Variants in CCL23 observed in about 807,000 individuals in gnomAD.
CCL23 encodes the protein C-C motif chemokine 23.
A neutral mutation model predicts 11.8 loss-of-function variants in CCL23; 10 were observed. The observed-to-expected ratio is 0.84, with a 90% CI of 0.52 to 1.43. The LOEUF (loss-of-function observed/expected upper bound fraction) is 1.43. Among genes scored for constraint, CCL23 ranks in the 40% most tolerant of loss-of-function variants. CCL23 has a pLI of 0.00. For missense variants in CCL23, 181 were observed against 170.9 expected, an observed-to-expected ratio of 1.06 and a Z score of -0.33; for synonymous variants, 60 against 61.0, an observed-to-expected ratio of 0.98 and a Z score of 0.07.
intron 3 of CCL23, 143 bp downstream of exon 3, chr17:36,013,601 G>A: frequency 1.3e-6 from 1 of 753,706 alleles, no homozygotes; most frequent in East Asian, 2.6e-5. Flanking sequence ...ATGCCCTGCA[G>A]GATCTTCCTA....
chr17:36,017,691 G>A, intron 1 of CCL23, 131 bp downstream of exon 1: 2 of 822,204 alleles, frequency 2.4e-6, no homozygotes, highest in Admixed American at 4.4e-5. Context: ...TCTATACTCT[G>A]GTGCTGCTTT....
At chr17:36,014,038 GC>G in intron 2 of CCL23, 129 bp from the exon 3 acceptor site, 1 of 929,924 alleles carries the variant, frequency 1.1e-6, no homozygotes, top group Non-Finnish European at 1.6e-6. Flanking sequence ...CTCAGGGTGG[GC>G]CAGAGCAGGA....
intron 1 of CCL23, among the ~76,000 whole-genome samples, chr17:36,015,631 T>G (rs921109476): frequency 1.3e-5 from 2 of 152,238 alleles, no homozygotes; most frequent in African/African-American, 4.8e-5. Context: ...TGGAGCTGCC[T>G]TATGCTTGTT....
Position 36,013,323 on chromosome 17 carries a change from G to A in CCL23, c.303-15C>T. On this transcript the variant is annotated splice_polypyrimidine_tract_variant and intron_variant, in intron 3 of 3. Coordinates refer to ENST00000615050, the MANE Select transcript of CCL23 (RefSeq NM_005064.6). ...TGGTGAGGAAGCTAGGGAACAAGGG[G>A]GAGAAAAGTTACAAACTGAGGTGTG... The A allele has an allele frequency of 1.3e-6, 2 of 1,564,866 alleles. No individual in the cohort carries two copies. The highest frequency in any genetic ancestry group is 8.8e-7 in the Non-Finnish European group (1 of 1,136,544).
chr17:36,013,819 G>A lies in CCL23; in HGVS notation c.227C>T (p.Thr76Ile). Residue 76 changes from threonine to isoleucine, a missense_variant, in exon 3 of 4, where the codon ACC becomes ATC. Coordinates refer to ENST00000615050, the MANE Select transcript of CCL23 (RefSeq NM_005064.6). ...ATSADCCISY[T>I]PRSIPCSLLE... ...GAGTGAACACGGGATGCTTCGTGGG[G>A]TGTAGGAGATGCAGCAGTCAGCACT... 6.2e-7 allele frequency: 1 copy of A among 1,614,182 alleles called. No individual in the cohort carries two copies. The highest frequency in any genetic ancestry group is 2.2e-5 in the East Asian group (1 of 44,886).
In CCL23 at chr17:36,013,311, AG is replaced by A; in HGVS notation, c.303-4del. On this transcript the variant is annotated splice_polypyrimidine_tract_variant and splice_region_variant and intron_variant, in intron 3 of 3. Coordinates refer to ENST00000615050, the MANE Select transcript of CCL23 (RefSeq NM_005064.6). Reference sequence around the variant, plus strand: ...GTCGCCCCTTCTTGGTGAGGAAGCTAGGGAACAAGGGGGAGAAAAGTTACAA... The same window carrying A: ...GTCGCCCCTTCTTGGTGAGGAAGCTAGGAACAAGGGGGAGAAAAGTTACAA... 6.3e-7 allele frequency: 1 copy of A among 1,598,238 alleles called. No individual in the cohort carries two copies. The highest frequency in any genetic ancestry group is 8.6e-7 in the Non-Finnish European group (1 of 1,166,040).
intron 1 of CCL23, among the ~76,000 whole-genome samples, chr17:36,014,927 T>C (rs765967976): frequency 6.6e-6 from 1 of 150,652 alleles, no homozygotes; most frequent in African/African-American, 2.5e-5. Flanking sequence ...TATGTTTAAG[T>C]TTTTTACTAA....
chr17:36,013,168 G>C lies in CCL23; in HGVS notation c.*29C>G, dbSNP rs2142023674. The C allele has an allele frequency of 7.3e-7, 1 of 1,379,240 alleles. No individual in the cohort carries two copies. Among genetic ancestry groups the C allele is most frequent in the East Asian group, 2.3e-5 (1 of 43,856 alleles). The allele number at this position is 1,379,240 out of a possible 1,614,324, so 85.4% of individuals were successfully genotyped here. A position where few individuals can be genotyped will look rare whatever the true frequency, so the allele number is the denominator to read the frequency against. On this transcript the variant is annotated 3_prime_UTR_variant, in exon 4 of 4. Coordinates refer to ENST00000615050, the MANE Select transcript of CCL23 (RefSeq NM_005064.6). The stretch of plus-strand genomic sequence containing the variant: ...GTTGAGGCAAGAAAGTTGGTGGCTG[G>C]CAACTTGTGTCCCTTCACCTTGACA...
In CCL23 at chr17:36,014,358, A is replaced by T. The variant is rs61737011; in HGVS notation, c.112T>A (p.Leu38Met). ...ETEFMMSKLP[L>M]ENPVLLDMLW... ...CTGTCCAGAAGTACTGGATTTTCCAATGGAAGCTTTGACATCATGAACTCT... is the reference window on the plus strand; with the variant it reads ...CTGTCCAGAAGTACTGGATTTTCCATTGGAAGCTTTGACATCATGAACTCT... Residue 38 changes from leucine (L) to methionine (M), a missense_variant, in exon 2 of 4, where the codon TTG becomes ATG. Transcript: ENST00000615050. 194 of 1,613,586 alleles carry T rather than the reference A, an allele frequency of 1.2e-4. No homozygotes were observed. Among genetic ancestry groups the T allele is most frequent in the Middle Eastern group, 1.7e-4 (1 of 6,060 alleles).
At chr17:36,017,667 C>T (rs997765715) in intron 1 of CCL23, among the ~76,000 whole-genome samples, 155 bp downstream of exon 1, 2 of 152,208 alleles carry the variant, frequency 1.3e-5, no homozygotes, top group African/African-American at 2.4e-5. Context: ...CCAAAGCCTG[C>T]AGACAGAACC....
intron 1 of CCL23, 72 bp from the exon 2 acceptor site, chr17:36,014,465 C>G (rs947801082): frequency 2.4e-5 from 29 of 1,183,750 alleles, no homozygotes; most frequent in Non-Finnish European, 3.5e-5. Flanking sequence ...CCACCCACCC[C>G]ATTGCTCATC....
At chr17:36,017,159 C>T (rs1421311060) in intron 1 of CCL23, among the ~76,000 whole-genome samples, 1 of 152,118 alleles carries the variant, frequency 6.6e-6, no homozygotes, top group African/African-American at 2.4e-5. Context: ...TCAGTTTTCT[C>T]ATTTGTAAAA....
At chr17:36,015,765 G>T (rs776459235) in intron 1 of CCL23, among the ~76,000 whole-genome samples, 1 of 152,118 alleles carries the variant, frequency 6.6e-6, no homozygotes. Flanking sequence ...GGCCGGGTGC[G>T]GTGGCTCACG....
Position 36,013,105 on chromosome 17 carries a change from A to G in CCL23, c.*92T>C, listed in dbSNP as rs2142023592. 1.3e-6 allele frequency: 1 copy of G among 765,574 alleles called. No individual in the cohort carries two copies. 47.4% of individuals were successfully genotyped at this position (765,574 alleles called of 1,614,324 possible). A position where few individuals can be genotyped will look rare whatever the true frequency, so the allele number is the denominator to read the frequency against. On this transcript the variant is annotated 3_prime_UTR_variant, in exon 4 of 4. Transcript: ENST00000615050. ...TGAATTGCTCTAAATCCAGAACACAAGAATAAATGCTTCTTAAAAAAATAA... is the reference window on the plus strand; with the variant it reads ...TGAATTGCTCTAAATCCAGAACACAGGAATAAATGCTTCTTAAAAAAATAA...
chr17:36,014,462 C>T (rs1185319871), intron 1 of CCL23, 69 bp from the exon 2 acceptor site: 2 of 1,211,766 alleles, frequency 1.7e-6, no homozygotes, highest in Non-Finnish European at 2.5e-6. Flanking sequence ...TCTCCACCCA[C>T]CCCATTGCTC....
intron 2 of CCL23, 107 bp from the exon 3 acceptor site, chr17:36,014,016 T>G (rs2090078750): frequency 8.6e-7 from 1 of 1,160,052 alleles, no homozygotes. Flanking sequence ...TTGAGCTGTG[T>G]GTCTGAGGGC....
At chr17:36,014,542 T>C (rs2090084191) in intron 1 of CCL23, 149 bp from the exon 2 acceptor site, 1 of 649,138 alleles carries the variant, frequency 1.5e-6, no homozygotes, top group Non-Finnish European at 2.8e-6. Context: ...TAGGCCTGAC[T>C]CCTGGCCCAT....
chr17:36,013,226 C>A lies in CCL23; in HGVS notation c.385G>T (p.Asp129Tyr). The change falls in exon 4 of 4, where the codon GAC (aspartate) becomes TAC (tyrosine). Residue 129 changes from aspartate (D) to tyrosine (Y), a missense_variant. Physicochemically the swap from Asp to Tyr is radical, Grantham distance 160 (BLOSUM62 -3). Coordinates refer to ENST00000615050, the MANE Select transcript of CCL23 (RefSeq NM_005064.6). The part of the protein sequence containing the change: ...VQVCMRMLKL[D>Y]TRIKTRKN ...TTCTTCCTGGTCTTGATCCGTGTGT[C>A]CAGCTTCAGCATTCTCATGCAAACC... 6.2e-7 allele frequency: 1 copy of A among 1,613,032 alleles called. No homozygotes were observed.
chr17:36,015,765 G>A (rs776459235), intron 1 of CCL23, among the ~76,000 whole-genome samples: 5 of 152,118 alleles, frequency 3.3e-5, no homozygotes, highest in Non-Finnish European at 4.4e-5. Flanking sequence ...GGCCGGGTGC[G>A]GTGGCTCACG....
Sources: gnomAD v4.1 joint callset for allele counts (sites outside exome capture counted in the v4.1 genomes callset) on GRCh38, gnomAD v4.1.1 for gene constraint, MANE v1.5 for transcripts, NCBI Gene and HGNC (gene_info 2026-07-23, HGNC 2026-07-21) for gene names.